Variants in COL21A1 observed in about 807,000 individuals in gnomAD.
COL21A1 encodes collagen type XXI alpha 1 chain.
In COL21A1, 149 loss-of-function variants were observed where a neutral mutation model predicts 137.9. The observed-to-expected ratio is 1.08, with a 90% CI of 0.95 to 1.24. The LOEUF is 1.24. COL21A1 is among the 50% of genes most tolerant of loss of function. The pLI, the probability that COL21A1 is intolerant of heterozygous loss-of-function variation, is 0.00. For missense variants in COL21A1, 1,167 were observed against 1,158.4 expected, an observed-to-expected ratio of 1.01 and a Z score of -0.11; for synonymous variants, 456 against 391.5, an observed-to-expected ratio of 1.16 and a Z score of -1.95.
At chr6:56,215,735 A>C (rs1780440095) in intron 1 of COL21A1, among the ~76,000 whole-genome samples, 1 of 152,084 alleles carries the variant, frequency 6.6e-6, no homozygotes, top group Admixed American at 6.6e-5. Context: ...GAACTAAATA[A>C]ATAATATTTT....
At chr6:56,136,199 A>C (rs1484739667) in intron 12 of COL21A1, among the ~76,000 whole-genome samples, 1 of 152,192 alleles carries the variant, frequency 6.6e-6, no homozygotes, top group Non-Finnish European at 1.5e-5. Context: ...TCTCCCTGTG[A>C]AGACAATGGG....
At chr6:56,191,590 T>TA (rs1778683366) in intron 1 of COL21A1, among the ~76,000 whole-genome samples, 1 of 21,734 alleles carries the variant, frequency 4.6e-5, no homozygotes, top group African/African-American at 4.0e-4. Context: ...AGACTCTATC[T>TA]CAAAAAAAAA....
intron 17 of COL21A1, among the ~76,000 whole-genome samples, chr6:56,100,801 A>G (rs953757099): frequency 2.0e-5 from 3 of 152,316 alleles, no homozygotes; most frequent in Middle Eastern, 3.4e-3. Context: ...TATGTACAAT[A>G]TTTAAATTCT....
At chr6:56,084,117 A>T (rs926170081) in intron 17 of COL21A1, among the ~76,000 whole-genome samples, 8 of 151,890 alleles carry the variant, frequency 5.3e-5, no homozygotes, top group Non-Finnish European at 7.4e-5. Flanking sequence ...AGACATTTCT[A>T]CTTAAATTCA....
intron 17 of COL21A1, among the ~76,000 whole-genome samples, chr6:56,093,914 T>C (rs573587534): frequency 3.3e-5 from 5 of 152,322 alleles, no homozygotes; most frequent in Admixed American, 6.5e-5. Flanking sequence ...ACTGGGCTGG[T>C]TGAATGGATT....
intron 12 of COL21A1, among the ~76,000 whole-genome samples, chr6:56,129,699 T>TGTGTGTGAGAGAGA (rs1450514214): frequency 3.3e-5 from 4 of 120,518 alleles, no homozygotes; most frequent in Non-Finnish European, 5.3e-5. Context: ...TGTGTGTGTG[T>TGTGTGTGAGAGAGA]GAGAGAGAGA....
chr6:56,200,835 G>A (rs1456409048), intron 1 of COL21A1, among the ~76,000 whole-genome samples: 3 of 152,142 alleles, frequency 2.0e-5, no homozygotes, highest in South Asian at 2.1e-4. Context: ...GGGATGGCTG[G>A]GTCAAATGGT....
intron 16 of COL21A1, among the ~76,000 whole-genome samples, 176 bp downstream of exon 16, chr6:56,123,886 A>T (rs1160000641): frequency 6.6e-6 from 1 of 152,222 alleles, no homozygotes; most frequent in African/African-American, 2.4e-5. Flanking sequence ...AGTCCACAAT[A>T]AAGTCAAAAG....
intron 1 of COL21A1, among the ~76,000 whole-genome samples, chr6:56,184,842 A>G (rs1230707579): frequency 6.6e-6 from 1 of 152,196 alleles, no homozygotes. Context: ...AGTTTCAATA[A>G]ATAGTATTTT....
intron 17 of COL21A1, among the ~76,000 whole-genome samples, chr6:56,088,086 G>A (rs549364058): frequency 1.5e-4 from 23 of 152,046 alleles, no homozygotes; most frequent in African/African-American, 3.4e-4. Context: ...TTTTTAGGCC[G>A]GGCACAGTGG....
Position 56,265,020 on chromosome 6 carries a change from A to T in COL21A1, c.-38-82364T>A, listed in dbSNP as rs150218621. 1.7e-3 allele frequency among the ~76,000 whole-genome samples: 261 copies of T among 152,346 alleles called. 2 individuals carry two copies. Among genetic ancestry groups the T allele is most frequent in the Admixed American group, 0.016 (247 of 15,310 alleles). On this transcript the variant is annotated intron_variant, in intron 1 of 28. Coordinates refer to the COL21A1 transcript ENST00000370819. Reference sequence around the variant, plus strand: ...AGAAAGTAGAGGTTCCTACAAGGAGATACCAAGATCTCATTTCACAGTAGA... The same window carrying T: ...AGAAAGTAGAGGTTCCTACAAGGAGTTACCAAGATCTCATTTCACAGTAGA...
At chr6:56,379,253 C>T (rs1243264656) in intron 1 of COL21A1, among the ~76,000 whole-genome samples, 1 of 152,182 alleles carries the variant, frequency 6.6e-6, no homozygotes, top group Non-Finnish European at 1.5e-5. Context: ...ACCAATCAAT[C>T]CTGGAGAAAC....
intron 1 of COL21A1, among the ~76,000 whole-genome samples, chr6:56,209,476 A>G (rs1311520849): frequency 1.3e-5 from 2 of 152,232 alleles, no homozygotes; most frequent in Admixed American, 6.5e-5. Context: ...GAAGGATATG[A>G]CCAGACACTT....
intron 17 of COL21A1, among the ~76,000 whole-genome samples, chr6:56,078,717 A>C (rs1268637658): frequency 6.6e-6 from 1 of 151,682 alleles, no homozygotes; most frequent in East Asian, 1.9e-4. Context: ...ATCTGAACTC[A>C]AATCATACAT....
At chr6:56,276,766 T>G in intron 1 of COL21A1, 1 of 1,216,172 alleles carries the variant, frequency 8.2e-7, no homozygotes, top group South Asian at 1.2e-5. Context: ...ATCTCTACTT[T>G]ATTTGCTAAT....
intron 3 of COL21A1, among the ~76,000 whole-genome samples, chr6:56,175,615 A>G (rs1441374713): frequency 6.6e-6 from 1 of 152,134 alleles, no homozygotes; most frequent in East Asian, 1.9e-4. Flanking sequence ...ACTACAAAAC[A>G]TTGATAAAAG....
intron 16 of COL21A1, among the ~76,000 whole-genome samples, chr6:56,112,275 T>C (rs1034790456): frequency 1.3e-5 from 2 of 152,118 alleles, no homozygotes; most frequent in African/African-American, 4.8e-5. Context: ...ACCATACATA[T>C]AAATTAATTC....
chr6:56,323,310 T>C (rs1195509505), intron 1 of COL21A1, among the ~76,000 whole-genome samples: 7 of 152,184 alleles, frequency 4.6e-5, no homozygotes, highest in African/African-American at 1.4e-4. Context: ...GAAAAATCAC[T>C]TGTTAATAGC....
In COL21A1 at chr6:56,382,769, T is replaced by C. The variant is rs1013293864; in HGVS notation, c.-39+11202A>G. On this transcript the variant is annotated intron_variant, in intron 1 of 28. Coordinates refer to the COL21A1 transcript ENST00000370819. ...ACCATGATGGCACCCTGATGTCAAA[T>C]GTCCAGCCTCCATAATTCTAAGAAA... is the stretch of plus-strand genomic sequence containing the variant. Among the ~76,000 whole-genome samples the C allele has an allele frequency of 3.9e-5, 6 of 152,134 alleles. No individual in the cohort carries two copies. The South Asian group carries it at 1.2e-3, about 32-fold the overall frequency.
Sources: gnomAD v4.1 joint callset for allele counts (sites outside exome capture counted in the v4.1 genomes callset) on GRCh38, gnomAD v4.1.1 for gene constraint, MANE v1.5 for transcripts, NCBI Gene and HGNC (gene_info 2026-07-23, HGNC 2026-07-21) for gene names.